The following COL20A1 variants were observed in gnomAD, a reference collection of about 807,000 sequenced individuals.
COL20A1 encodes the protein collagen type XX alpha 1 chain, also known as collagen alpha-1(XX) chain.
COL20A1 carries 164 observed loss-of-function variants against 152.9 expected under a neutral mutation model. The ratio of observed to expected loss-of-function variants is 1.07; its 90% CI spans 0.94 to 1.22. The LOEUF (loss-of-function observed/expected upper bound fraction) is 1.22, where lower values mean the gene tolerates loss of function less well. Ranked by LOEUF, COL20A1 falls within the 50% of genes most tolerant of loss-of-function variation. The pLI is 0.00. For missense variants in COL20A1, 1,873 were observed against 1,744.8 expected (o/e 1.07, Z -1.31); for synonymous variants, 864 against 756.0 (o/e 1.14, Z -2.34).
In COL20A1 at chr20:63,319,369, C is replaced by A; in HGVS notation, c.2807-118C>A. On this transcript the variant is annotated intron_variant, in intron 22 of 35. Coordinates refer to ENST00000358894, the MANE Select transcript of COL20A1 (RefSeq NM_020882.4). The surrounding 1 kb of genome is among the most constrained non-coding windows in gnomAD (Gnocchi z 4.4). Reference sequence around the variant, plus strand: ...GGGGGCTGTGGGCCACATTGAGGGTCACCTCCAGCTTGGCACCCTCAGGGC... The same window carrying A: ...GGGGGCTGTGGGCCACATTGAGGGTAACCTCCAGCTTGGCACCCTCAGGGC... The A allele has an allele frequency of 9.4e-7, 1 of 1,066,988 alleles. No homozygotes were observed. Among genetic ancestry groups the A allele is most frequent in the Non-Finnish European group, 1.4e-6 (1 of 740,424 alleles). 66.1% of individuals were successfully genotyped at this position (1,066,988 alleles called of 1,614,324 possible).
Position 63,311,366 on chromosome 20 carries a change from C to T in COL20A1, c.1394-28C>T. 6.4e-7 allele frequency: 1 copy of T among 1,561,322 alleles called. No individual in the cohort carries two copies. Among genetic ancestry groups the T allele is most frequent in the Non-Finnish European group, 8.7e-7 (1 of 1,155,700 alleles). ...GGTGTGATCTCTGTGTGGGCTCCTT[C>T]CTAAAGTGTCCCTGCATGGCCCCCC... On this transcript the variant is annotated intron_variant, in intron 11 of 35. Transcript: ENST00000358894. This position sits in a 1 kb window ranked among gnomAD's most constrained non-coding sequence, Gnocchi z 4.4.
chr20:63,330,074 A>G (rs1197986797), intron 35 of COL20A1, among the ~76,000 whole-genome samples: 1 of 152,074 alleles, frequency 6.6e-6, no homozygotes, highest in Non-Finnish European at 1.5e-5. Flanking sequence ...CAGGAGTCCC[A>G]GGAGGGGCCT....
intron 8 of COL20A1, 95 bp downstream of exon 8, chr20:63,308,801 GC>G: frequency 8.6e-7 from 1 of 1,158,610 alleles, no homozygotes; most frequent in Non-Finnish European, 1.2e-6. Context: ...TGGTCCCTGA[GC>G]CCCAGCTTCC....
rs1417957435 is a variant in COL20A1 at position 63,313,034 on chromosome 20, C to T, written c.2077-83C>T. On this transcript the variant is annotated intron_variant, in intron 16 of 35. Transcript: ENST00000358894. This position sits in a 1 kb window ranked among gnomAD's most constrained non-coding sequence, Gnocchi z 5.9. ...AGAGCCATATGTGCGCCCACCCTGT[C>T]TCCCAGGGATGCCTCACTGCCCGGC... is the stretch of plus-strand genomic sequence containing the variant. 1.3e-6 allele frequency: 2 copies of T among 1,546,034 alleles called. No individual in the cohort carries two copies. The highest frequency in any genetic ancestry group is 2.7e-5 in the African/African-American group (2 of 73,030).
chr20:63,322,254 G>A (rs1050128667), intron 27 of COL20A1, 143 bp downstream of exon 27: 10 of 647,546 alleles, frequency 1.5e-5, no homozygotes, highest in Admixed American at 1.2e-4. Context: ...GCTGCAGACA[G>A]GCAGGGACCC....
chr20:63,313,275 G>C lies in COL20A1; in HGVS notation c.2209+26G>C. On this transcript the variant is annotated intron_variant, in intron 17 of 35. Coordinates refer to ENST00000358894, the MANE Select transcript of COL20A1 (RefSeq NM_020882.4). The surrounding 1 kb of genome is among the most constrained non-coding windows in gnomAD (Gnocchi z 5.9). ...GTAGGTGCCCCTCCACTTCCCCTCT[G>C]CTGGGTGTGGGGCAGGGATGGCCCA... The C allele has an allele frequency of 6.3e-7, 1 of 1,594,590 alleles. No individual in the cohort carries two copies. The highest frequency in any genetic ancestry group is 8.6e-7 in the Non-Finnish European group (1 of 1,168,288).
chr20:63,327,712 G>T lies in COL20A1; in HGVS notation c.3529-240G>T, dbSNP rs1352417536. On this transcript the variant is annotated intron_variant, in intron 31 of 35. Transcript: ENST00000358894. ...TACAGCCAGAGGCAAGTCCTTTGTG[G>T]CACAAGTTCCAGCCCCACTCAGGAC... is the stretch of plus-strand genomic sequence containing the variant. The T allele has an allele frequency of 5.2e-6, 3 of 576,822 alleles. No individual in the cohort carries two copies. The East Asian group carries it at 8.6e-5, about 17-fold the overall frequency. The allele number at this position is 576,822 out of a possible 1,614,324, so 35.7% of individuals were successfully genotyped here.
chr20:63,293,792 G>A (rs528424418), intron 1 of COL20A1, among the ~76,000 whole-genome samples: 10 of 151,616 alleles, frequency 6.6e-5, no homozygotes, highest in African/African-American at 1.7e-4. Context: ...GATTTAAGCC[G>A]GTGGCTTTCC....
rs867987314 is a variant in COL20A1 at position 63,326,140 on chromosome 20, T to C, written c.3447T>C (p.Pro1149=). ...GAACTGCTGGCCTGCCTGGACCCCC[T>C]GGCCCCAGGGTAGGCACCGACCTCC... ...LEGTAGLPGP[P]GPRGFQGMAG... is the part of the protein sequence containing the mutation. The change falls in exon 30 of 36, where the codon CCT becomes CCC. Residue 1149 remains proline, a synonymous_variant. Transcript: ENST00000358894. 3 of 1,611,932 alleles carry C rather than the reference T, an allele frequency of 1.9e-6. No homozygotes were observed. The highest frequency in any genetic ancestry group is 2.5e-6 in the Non-Finnish European group (3 of 1,179,076).
In COL20A1 at chr20:63,319,074, C is replaced by T. The variant is rs1336450994; in HGVS notation, c.2680C>T (p.Pro894Ser). 4 of 1,612,428 alleles carry T rather than the reference C, an allele frequency of 2.5e-6. No homozygotes were observed. Among genetic ancestry groups the T allele is most frequent in the Non-Finnish European group, 3.4e-6 (4 of 1,178,994 alleles). Residue 894 changes from proline (P) to serine (S), a missense_variant, in exon 22 of 36, where the codon CCC becomes TCC. Physicochemically the swap from Pro to Ser is moderately conservative, Grantham distance 74. Transcript: ENST00000358894. This position sits in a 1 kb window ranked among gnomAD's most constrained non-coding sequence, Gnocchi z 4.4. Reference sequence around the variant, plus strand: ...CCCCCACAGTGACGTCTACCCAGCCCCCCTACCTCCAGAGCACACCATCGT... The same window carrying T: ...CCCCCACAGTGACGTCTACCCAGCCTCCCTACCTCCAGAGCACACCATCGT... ...TRRVSDVYPA[P>S]LPPEHTIVFL...
At chr20:63,300,844 T>G (rs1226926179) in intron 3 of COL20A1, among the ~76,000 whole-genome samples, 1 of 152,246 alleles carries the variant, frequency 6.6e-6, no homozygotes, top group Non-Finnish European at 1.5e-5. Context: ...ATTTTCATTA[T>G]CATTCAGGTA....
In COL20A1 at chr20:63,305,964, AC is replaced by A; in HGVS notation, c.422del (p.Thr141ArgfsTer78). ...AGCCCCGGAGCCCACCCCCTCCCAC[AC>A]GGGGAGCCCAGACCCTGAGCAGGCT... is the stretch of plus-strand genomic sequence containing the variant. ...SGAPEPTPSH[T>X]GSPDPEQASE... On this transcript the variant is annotated frameshift_variant, in exon 5 of 36. Coordinates refer to ENST00000358894, the MANE Select transcript of COL20A1 (RefSeq NM_020882.4). LOFTEE classifies it high-confidence loss of function. The surrounding 1 kb of genome is among the most constrained non-coding windows in gnomAD (Gnocchi z 4.9). The A allele has an allele frequency of 6.2e-7, 1 of 1,612,382 alleles. No individual in the cohort carries two copies. The highest frequency in any genetic ancestry group is 8.5e-7 in the Non-Finnish European group (1 of 1,179,606).
Position 63,310,516 on chromosome 20 carries a change from T to G in COL20A1, c.1393+6T>G. The G allele has an allele frequency of 6.3e-7, 1 of 1,587,562 alleles. No homozygotes were observed. Among genetic ancestry groups the G allele is most frequent in the Non-Finnish European group, 8.6e-7 (1 of 1,167,324 alleles). ...GCGGGGCCTGGTGACCACAGGTAGG[T>G]GGGGCAGAGGCAGCGGCCAGGTTCT... On this transcript the variant is annotated splice_donor_region_variant and intron_variant, in intron 11 of 35. Coordinates refer to ENST00000358894, the MANE Select transcript of COL20A1 (RefSeq NM_020882.4).
chr20:63,313,818 C>T lies in COL20A1; in HGVS notation c.2285C>T (p.Thr762Met), dbSNP rs185636117. 312 of 1,611,070 alleles carry T rather than the reference C, an allele frequency of 1.9e-4. 1 individual carries two copies. In the African/African-American group the frequency reaches 3.4e-3, roughly 17 times the overall value. Residue 762 changes from threonine to methionine, a missense_variant, in exon 18 of 36, where the codon ACG becomes ATG. Thr to Met is a moderately conservative substitution (Grantham distance 81). Transcript: ENST00000358894. The surrounding 1 kb of genome is among the most constrained non-coding windows in gnomAD (Gnocchi z 5.9). Reference protein sequence around the residue: ...ETPDSLQVSWTPPLGRVLHYW... With the variant: ...ETPDSLQVSWMPPLGRVLHYW... ...CCCGACAGCCTGCAGGTCAGCTGGA[C>T]GCCCCCGCTTGGCCGCGTGCTCCAT...
chr20:63,320,965 G>A, intron 25 of COL20A1, 48 bp from the exon 26 acceptor site: 1 of 1,412,692 alleles, frequency 7.1e-7, no homozygotes, highest in Admixed American at 2.0e-5. Flanking sequence ...GGTCAGGCAA[G>A]AGCCAGGGAG....
intron 1 of COL20A1, among the ~76,000 whole-genome samples, chr20:63,294,056 C>A (rs984309761): frequency 4.0e-4 from 52 of 129,204 alleles, no homozygotes; most frequent in African/African-American, 1.5e-3. Context: ...GCTCTGTCTG[C>A]TTTCTGAAGG....
Position 63,322,093 on chromosome 20 carries a change from G to A in COL20A1, c.3276G>A (p.Gln1092=). 6.7e-7 allele frequency: 1 copy of A among 1,500,180 alleles called. No homozygotes were observed. Among genetic ancestry groups the A allele is most frequent in the South Asian group, 1.3e-5 (1 of 76,700 alleles). The allele number at this position is 1,500,180 out of a possible 1,614,324, so 92.9% of individuals were successfully genotyped here. A position where few individuals can be genotyped will look rare whatever the true frequency, so the allele number is the denominator to read the frequency against. ...GGAGGAATGGCACCCCAGGAGAGCA[G>A]GGCTTCCCAGGGCCCAGGGTAAGTT... ...LPGRNGTPGE[Q]GFPGPRGPPG... is the part of the protein sequence containing the mutation. Residue 1092 remains glutamine (Q), a synonymous_variant, in exon 27 of 36, where the codon CAG becomes CAA. Transcript: ENST00000358894.
chr20:63,321,979 TG>T lies in COL20A1; in HGVS notation c.3241-75del, dbSNP rs1407198635. ...CATGGGGCTCAGGGTGGGCCAGGCA[TG>T]GGGCTCAGGGGCTGGTCTTTGCTCC... On this transcript the variant is annotated intron_variant, in intron 26 of 35. Transcript: ENST00000358894. 12 of 1,220,822 alleles carry T rather than the reference TG, an allele frequency of 9.8e-6. 2 individuals carry two copies. Among genetic ancestry groups the T allele is most frequent in the Middle Eastern group, 2.4e-4 (1 of 4,242 alleles). The allele number at this position is 1,220,822 out of a possible 1,614,324, so 75.6% of individuals were successfully genotyped here.
intron 27 of COL20A1, among the ~76,000 whole-genome samples, chr20:63,322,860 G>GCGGGGCTGTCCTTTTGCAC (rs1173939603): frequency 1.3e-5 from 2 of 152,378 alleles, no homozygotes; most frequent in South Asian, 4.1e-4. Flanking sequence ...CCTGGCTCTG[G>GCGGGGCTGTCCTTTTGCAC]CGGGGCTGTC....
Sources: allele counts gnomAD v4.1 joint callset (sites outside exome capture counted in the v4.1 genomes callset), GRCh38; gene constraint gnomAD v4.1.1; non-coding constraint Gnocchi (gnomAD v3.1); transcripts MANE v1.5; gene names NCBI Gene and HGNC (gene_info 2026-07-23, HGNC 2026-07-21).